Variants in PADI4 observed in about 807,000 individuals in gnomAD.
PADI4 encodes the protein protein-arginine deiminase type-4.
In PADI4, 62 loss-of-function variants were observed where a neutral mutation model predicts 75.0. That is an observed-to-expected ratio of 0.83 (90% CI 0.67 to 1.02). The LOEUF is 1.02. PADI4 is among the 50% of genes least tolerant of loss of function. The pLI, the probability that PADI4 is intolerant of heterozygous loss-of-function variation, is 0.00. For synonymous variants in PADI4, 361 were observed against 348.1 expected (o/e 1.04, Z -0.41); for missense variants, 845 against 850.5 (o/e 0.99, Z 0.08).
At chr1:17,361,467 G>A (rs565230599) in intron 15 of PADI4, among the ~76,000 whole-genome samples, 9 of 152,316 alleles carry the variant, frequency 5.9e-5, no homozygotes, top group South Asian at 2.1e-4. Context: ...TGTGGGAGGC[G>A]GGGAAGAGGG....
intron 4 of PADI4, among the ~76,000 whole-genome samples, chr1:17,336,952 C>A (rs911523416): frequency 6.6e-6 from 1 of 152,208 alleles, no homozygotes. Context: ...CTATTAGATC[C>A]CTACAGGGTG....
At chr1:17,341,846 G>A in intron 6 of PADI4, 97 bp from the exon 7 acceptor site, 2 of 877,668 alleles carry the variant, frequency 2.3e-6, no homozygotes, top group Non-Finnish European at 3.6e-6. Flanking sequence ...GTGCCATGTG[G>A]TGACCCTGGG....
At chr1:17,311,622 T>C (rs1436296042) in intron 1 of PADI4, among the ~76,000 whole-genome samples, 1 of 151,926 alleles carries the variant, frequency 6.6e-6, no homozygotes, top group Non-Finnish European at 1.5e-5. Flanking sequence ...CCTCCCGGGT[T>C]CACGCAATTC....
chr1:17,339,903 C>T (rs940938652), intron 6 of PADI4, 90 bp downstream of exon 6: 7 of 1,407,926 alleles, frequency 5.0e-6, no homozygotes, highest in Non-Finnish European at 6.8e-6. Flanking sequence ...ATCCTGAGCA[C>T]CTACTATGTG....
At chr1:17,352,013 AGAGGCGGCCAGG>A (rs2074650438) in intron 10 of PADI4, among the ~76,000 whole-genome samples, 4 of 9,924 alleles carry the variant, frequency 4.0e-4, no homozygotes, top group African/African-American at 1.3e-3. Context: ...TGATGGGAGG[AGAGGCGGCCAGG>A]GAGGTGATGG....
intron 1 of PADI4, among the ~76,000 whole-genome samples, chr1:17,310,874 G>A (rs1293666451): frequency 2.0e-5 from 3 of 152,148 alleles, no homozygotes; most frequent in African/African-American, 7.2e-5. Flanking sequence ...CGAGGCAGGC[G>A]GATCACAAGG....
intron 2 of PADI4, 63 bp from the exon 3 acceptor site, chr1:17,333,880 G>T: frequency 1.6e-6 from 2 of 1,269,698 alleles, no homozygotes; most frequent in South Asian, 1.2e-5. Flanking sequence ...GCACATAGGA[G>T]GGGGTCCAGT....
chr1:17,332,764 G>T (rs906720260), intron 2 of PADI4, among the ~76,000 whole-genome samples: 2 of 152,162 alleles, frequency 1.3e-5, no homozygotes, highest in African/African-American at 2.4e-5. Context: ...AGCCAAGCAG[G>T]CTTCTCCCTG....
At chr1:17,328,658 A>AG (rs11372157) in intron 1 of PADI4, among the ~76,000 whole-genome samples, 82,932 of 150,938 alleles carry the variant, frequency 0.55, 22,939 homozygotes, top group East Asian at 0.59. Context: ...AAAAAAAAAA[A>AG]ATAAGTTTAA....
rs371057250 is a variant in PADI4 at position 17,348,052 on chromosome 1, C to A, written c.1155+4C>A. Reference sequence around the variant, plus strand: ...GTTTCCCATCAAACGCGTGATGGTACCTGCATGGGGTGGGGAGGGGGCACA... The same window carrying A: ...GTTTCCCATCAAACGCGTGATGGTAACTGCATGGGGTGGGGAGGGGGCACA... On this transcript the variant is annotated splice_donor_region_variant and intron_variant, in intron 10 of 15. Coordinates refer to ENST00000375448, the MANE Select transcript of PADI4 (RefSeq NM_012387.3). 9.0e-6 allele frequency: 14 copies of A among 1,554,360 alleles called. No homozygotes were observed. The highest frequency in any genetic ancestry group is 1.4e-5 in the African/African-American group (1 of 73,692).
intron 3 of PADI4, 59 bp downstream of exon 3, chr1:17,334,068 T>C: frequency 9.5e-7 from 1 of 1,055,536 alleles, no homozygotes; most frequent in Non-Finnish European, 1.5e-6. Context: ...TCCTAATCCC[T>C]GCAGGATGTC....
At chr1:17,316,497 G>T (rs1051514180) in intron 1 of PADI4, among the ~76,000 whole-genome samples, 62 of 151,650 alleles carry the variant, frequency 4.1e-4, no homozygotes, top group Non-Finnish European at 8.1e-4. Flanking sequence ...AGACCATCCT[G>T]GCTAACACAG....
At chr1:17,318,630 A>G (rs917192270) in intron 1 of PADI4, among the ~76,000 whole-genome samples, 8 of 150,646 alleles carry the variant, frequency 5.3e-5, no homozygotes, top group Non-Finnish European at 7.4e-5. Flanking sequence ...ACATTTTTAT[A>G]TTTTCACCTT....
chr1:17,339,689 C>A lies in PADI4; in HGVS notation c.528C>A (p.Asp176Glu). 2 of 1,613,908 alleles carry A rather than the reference C, an allele frequency of 1.2e-6. No homozygotes were observed. The highest frequency in any genetic ancestry group is 1.7e-6 in the Non-Finnish European group (2 of 1,179,914). ...CAGGCAATGCCCTTCTCATCCCAGA[C>A]CTGCAGGACATGTCGCTGATGACCC... ...CEDDEVLDSE[D>E]LQDMSLMTLS... is the part of the protein sequence containing the mutation. Residue 176 changes from aspartate (D) to glutamate (E), a missense_variant and splice_region_variant, in exon 6 of 16, where the codon GAC becomes GAA. Transcript: ENST00000375448.
chr1:17,341,855 G>C, intron 6 of PADI4, 88 bp from the exon 7 acceptor site: 1 of 1,007,854 alleles, frequency 9.9e-7, no homozygotes. Context: ...GGTGACCCTG[G>C]GAAAGGCTTC....
intron 4 of PADI4, 57 bp downstream of exon 4, chr1:17,336,283 C>T: frequency 7.1e-7 from 1 of 1,400,646 alleles, no homozygotes; most frequent in Non-Finnish European, 1.0e-6. Flanking sequence ...CCGGGCGCCC[C>T]CTTGTGGTGA....
chr1:17,355,280 A>G (rs1381839232), intron 11 of PADI4, among the ~76,000 whole-genome samples: 3 of 152,230 alleles, frequency 2.0e-5, no homozygotes, highest in Non-Finnish European at 2.9e-5. Context: ...GGCTGGGCAC[A>G]GTGGCTCACA....
chr1:17,351,979 T>C (rs138440944), intron 10 of PADI4, among the ~76,000 whole-genome samples: 5,530 of 40,096 alleles, frequency 0.14, 963 homozygotes, highest in African/African-American at 0.49. Context: ...AGGGAGGTGA[T>C]GGGAGGAGAG....
Position 17,308,274 on chromosome 1 carries a change from G to C in PADI4, c.52G>C (p.Val18Leu). 1.2e-6 allele frequency: 2 copies of C among 1,614,098 alleles called. No homozygotes were observed. Among genetic ancestry groups the C allele is most frequent in the Non-Finnish European group, 1.7e-6 (2 of 1,180,006 alleles). The change falls in exon 1 of 16, where the codon GTG becomes CTG. Residue 18 changes from valine to leucine, a missense_variant. Coordinates refer to ENST00000375448, the MANE Select transcript of PADI4 (RefSeq NM_012387.3). Reference protein sequence around the residue: ...RVTPEQPTHAVCVLGTLTQLD... With the variant: ...RVTPEQPTHALCVLGTLTQLD... ...GACCCCAGAGCAGCCCACCCATGCCGTGTGTGTGCTGGGCACCTTGACTCA... is the reference window on the plus strand; with the variant it reads ...GACCCCAGAGCAGCCCACCCATGCCCTGTGTGTGCTGGGCACCTTGACTCA...
Sources: gnomAD v4.1 joint callset for allele counts (sites outside exome capture counted in the v4.1 genomes callset) on GRCh38, gnomAD v4.1.1 for gene constraint, MANE v1.5 for transcripts, NCBI Gene and HGNC (gene_info 2026-07-23, HGNC 2026-07-21) for gene names.